Variants in SLC26A7 observed in about 807,000 individuals in gnomAD.
SLC26A7 encodes the protein solute carrier family 26 member 7, also known as anion exchange transporter.
Under a neutral mutation model 82.5 loss-of-function variants are expected in SLC26A7, and 59 were observed. The ratio of observed to expected loss-of-function variants is 0.72; its 90% CI spans 0.58 to 0.89. The LOEUF (loss-of-function observed/expected upper bound fraction) is 0.89, where lower values mean the gene tolerates loss of function less well. Ranked by LOEUF, SLC26A7 falls within the 40% of genes least tolerant of loss-of-function variation. SLC26A7 has a pLI of 0.00. For synonymous variants in SLC26A7, 271 were observed against 274.3 expected, an observed-to-expected ratio of 0.99 and a Z score of 0.12; for missense variants, 820 against 793.0, an observed-to-expected ratio of 1.03 and a Z score of -0.41.
chr8:91,361,615 A>G (rs1262991314), intron 11 of SLC26A7, among the ~76,000 whole-genome samples: 1 of 152,128 alleles, frequency 6.6e-6, no homozygotes, highest in Non-Finnish European at 1.5e-5. Flanking sequence ...ATATTTTTTC[A>G]GCACTAAGCT....
intron 11 of SLC26A7, among the ~76,000 whole-genome samples, chr8:91,359,476 C>A (rs1037427216): frequency 1.3e-5 from 2 of 152,100 alleles, no homozygotes; most frequent in Non-Finnish European, 2.9e-5. Context: ...TGCTTAAGAG[C>A]TTAGAATTTG....
chr8:91,338,663 A>G (rs1297623757), intron 7 of SLC26A7, among the ~76,000 whole-genome samples: 1 of 152,158 alleles, frequency 6.6e-6, no homozygotes, highest in Non-Finnish European at 1.5e-5. Context: ...GTAGTATATA[A>G]TAATGAGAGA....
At chr8:91,374,040 TCTC>T (rs1814439187) in intron 15 of SLC26A7, among the ~76,000 whole-genome samples, 1 of 152,032 alleles carries the variant, frequency 6.6e-6, no homozygotes, top group Non-Finnish European at 1.5e-5. Flanking sequence ...TCTCTGAAGA[TCTC>T]CTGGATTTCT....
chr8:91,339,649 T>G (rs1012274623), intron 7 of SLC26A7, among the ~76,000 whole-genome samples: 1 of 151,358 alleles, frequency 6.6e-6, no homozygotes, highest in Non-Finnish European at 1.5e-5. Flanking sequence ...TATTTATTTA[T>G]TTATTTATTT....
At chr8:91,312,029 T>C (rs767660905) in intron 4 of SLC26A7, among the ~76,000 whole-genome samples, 2 of 152,206 alleles carry the variant, frequency 1.3e-5, no homozygotes, top group Non-Finnish European at 2.9e-5. Context: ...GTCCCAAATT[T>C]TTATTTTTCT....
At chr8:91,384,201 G>A (rs1268092060) in intron 15 of SLC26A7, among the ~76,000 whole-genome samples, 1 of 152,110 alleles carries the variant, frequency 6.6e-6, no homozygotes, top group African/African-American at 2.4e-5. Flanking sequence ...GGGTCTAGAG[G>A]AGAACTCATA....
chr8:91,394,213 T>G (rs747974141), intron 18 of SLC26A7, 174 bp downstream of exon 18: 1 of 1,613,300 alleles, frequency 6.2e-7, no homozygotes, highest in African/African-American at 1.3e-5. Flanking sequence ...CCATTCTTTT[T>G]TTAGGCCAGT....
intron 2 of SLC26A7, among the ~76,000 whole-genome samples, chr8:91,264,202 C>T (rs1226044711): frequency 6.6e-6 from 1 of 152,106 alleles, no homozygotes; most frequent in East Asian, 1.9e-4. Flanking sequence ...AAAGTTCCTG[C>T]CTGCTGAGAC....
At chr8:91,303,050 GGAATT>G in intron 4 of SLC26A7, among the ~76,000 whole-genome samples, 1 of 152,084 alleles carries the variant, frequency 6.6e-6, no homozygotes, top group African/African-American at 2.4e-5. Flanking sequence ...GTCTTTTAGT[GGAATT>G]GATGCAGTTT....
At chr8:91,235,382 T>C (rs2130679026) in intron 2 of SLC26A7, among the ~76,000 whole-genome samples, 1 of 152,316 alleles carries the variant, frequency 6.6e-6, no homozygotes, top group East Asian at 1.9e-4. Context: ...TATTTAGGAC[T>C]GACTTTAAAG....
intron 2 of SLC26A7, among the ~76,000 whole-genome samples, chr8:91,242,153 CAG>C (rs1810483538): frequency 6.6e-6 from 1 of 152,102 alleles, no homozygotes; most frequent in African/African-American, 2.4e-5. Context: ...TATCCAGGGA[CAG>C]AGTCTAATGA....
intron 2 of SLC26A7, among the ~76,000 whole-genome samples, chr8:91,223,972 G>A (rs1810199451): frequency 6.6e-6 from 1 of 151,540 alleles, no homozygotes; most frequent in African/African-American, 2.4e-5. Context: ...TGATTTGGCT[G>A]TTGATACTTG....
At chr8:91,390,300 G>A (rs1398409942) in intron 16 of SLC26A7, among the ~76,000 whole-genome samples, 1 of 151,896 alleles carries the variant, frequency 6.6e-6, no homozygotes, top group Non-Finnish European at 1.5e-5. Context: ...TGTATTTTTA[G>A]TAGAGACGGG....
intron 5 of SLC26A7, among the ~76,000 whole-genome samples, chr8:91,329,171 G>A (rs1813011096): frequency 6.6e-6 from 1 of 152,094 alleles, no homozygotes; most frequent in Non-Finnish European, 1.5e-5. Flanking sequence ...ATTTATACCA[G>A]AAATTAGAAA....
chr8:91,257,646 C>T (rs1473649965), intron 2 of SLC26A7, among the ~76,000 whole-genome samples: 1 of 151,824 alleles, frequency 6.6e-6, no homozygotes, highest in African/African-American at 2.4e-5. Context: ...CACATTTTTT[C>T]CCCTTCATTC....
chr8:91,375,206 C>T (rs888101635), intron 15 of SLC26A7, among the ~76,000 whole-genome samples: 5 of 151,938 alleles, frequency 3.3e-5, no homozygotes, highest in Non-Finnish European at 7.4e-5. Context: ...CAAGCCATAT[C>T]TTTTAAGTGG....
intron 2 of SLC26A7, among the ~76,000 whole-genome samples, chr8:91,259,726 T>C (rs971863167): frequency 2.6e-5 from 4 of 152,088 alleles, no homozygotes; most frequent in Non-Finnish European, 5.9e-5. Flanking sequence ...CCCTGCCTTG[T>C]CCCTTTCACC....
At chr8:91,344,087 T>C (rs1276092689) in intron 9 of SLC26A7, 1 of 985,264 alleles carries the variant, frequency 1.0e-6, no homozygotes, top group Non-Finnish European at 1.2e-6. Context: ...ATGGTGGTAG[T>C]GGTGGAAAAG....
chr8:91,249,591 T>A lies in SLC26A7; in HGVS notation c.-61T>A, dbSNP rs1212946627. ...TGGAGCTTGGCATTGAAAGGAGGTGTTCTGCAATGATTTTTTTTCTTGTTT... is the reference window on the plus strand; with the variant it reads ...TGGAGCTTGGCATTGAAAGGAGGTGATCTGCAATGATTTTTTTTCTTGTTT... On this transcript the variant is annotated 5_prime_UTR_variant, in exon 2 of 19. Coordinates refer to ENST00000276609, the MANE Select transcript of SLC26A7 (RefSeq NM_052832.4). The A allele has an allele frequency of 8.9e-5, 124 of 1,385,696 alleles. No individual in the cohort carries two copies. The East Asian group carries it at 3.1e-3, about 34-fold the overall frequency. 85.8% of individuals were successfully genotyped at this position (1,385,696 alleles called of 1,614,324 possible). A position where few individuals can be genotyped will look rare whatever the true frequency, so the allele number is the denominator to read the frequency against.
Sources: gnomAD v4.1 joint callset for allele counts (sites outside exome capture counted in the v4.1 genomes callset) on GRCh38, gnomAD v4.1.1 for gene constraint, MANE v1.5 for transcripts, NCBI Gene and HGNC (gene_info 2026-07-23, HGNC 2026-07-21) for gene names.